Variants in OGT observed in about 807,000 individuals in gnomAD.
OGT encodes the protein O-linked N-acetylglucosamine (GlcNAc) transferase.
In OGT, 3 loss-of-function variants were observed where a neutral mutation model predicts 75.8. The ratio of observed to expected loss-of-function variants is 0.04; its 90% CI spans 0.02 to 0.10. The LOEUF (loss-of-function observed/expected upper bound fraction) is 0.10. Ranked by LOEUF, OGT falls within the 10% of genes least tolerant of loss-of-function variation. The pLI, the probability that OGT is intolerant of heterozygous loss-of-function variation, is 1.00. For missense variants in OGT, 260 were observed against 824.4 expected, an observed-to-expected ratio of 0.32 and a Z score of 8.38; for synonymous variants, 257 against 289.7, an observed-to-expected ratio of 0.89 and a Z score of 1.15.
chrX:71,570,351 A>G (rs1324463164), intron 21 of OGT, among the ~76,000 whole-genome samples: 1 of 111,640 alleles, frequency 9.0e-6, no homozygotes, highest in Non-Finnish European at 1.9e-5. Flanking sequence ...TATTTCTTAA[A>G]TGAGGTTTTT....
intron 15 of OGT, 45 bp downstream of exon 15, chrX:71,561,945 G>T: frequency 6.3e-6 from 7 of 1,105,867 alleles, no homozygotes; most frequent in Non-Finnish European, 8.5e-6. Context: ...ATTTGGCTAA[G>T]AATACAGTGA....
intron 5 of OGT, among the ~76,000 whole-genome samples, chrX:71,549,959 C>T (rs2040290911): frequency 9.0e-6 from 1 of 111,394 alleles, no homozygotes; most frequent in South Asian, 3.8e-4. Context: ...CTTGAGGAGG[C>T]TCCCACTGGC....
chrX:71,536,157 A>C, intron 1 of OGT, 21 bp from the exon 2 acceptor site: 1 of 1,163,950 alleles, frequency 8.6e-7, no homozygotes, highest in Non-Finnish European at 1.1e-6. Flanking sequence ...CCTTCCCTCA[A>C]ATGTTTTGAT....
Position 71,561,912 on chromosome X carries a change from A to G in OGT, c.1977+12A>G, listed in dbSNP as rs374294708. ...CAGCTCCTATTCAGGTAAACAAATT[A>G]ACAGTCATCACTTATAACATGTATT... On this transcript the variant is annotated intron_variant, in intron 15 of 21. Transcript: ENST00000373719. 80 of 1,178,864 alleles carry G rather than the reference A, an allele frequency of 6.8e-5. No individual in the cohort carries two copies. In the African/African-American group the frequency reaches 1.4e-3, roughly 20 times the overall value.
At chrX:71,569,095 C>T (rs773727991) in intron 21 of OGT, among the ~76,000 whole-genome samples, 2 of 111,268 alleles carry the variant, frequency 1.8e-5, no homozygotes, top group African/African-American at 3.3e-5. Context: ...TTTGGGAGGG[C>T]GAGGTGGGCG....
chrX:71,556,132 A>G, intron 8 of OGT, 38 bp downstream of exon 8: 3 of 1,179,668 alleles, frequency 2.5e-6, no homozygotes, highest in Non-Finnish European at 3.4e-6. Context: ...TTAGCATGAT[A>G]GTAGAGGGAA....
intron 12 of OGT, among the ~76,000 whole-genome samples, chrX:71,558,582 C>T (rs2040359324): frequency 9.2e-6 from 1 of 108,855 alleles, no homozygotes; most frequent in Non-Finnish European, 1.9e-5. Context: ...GTCTCGAAAT[C>T]CTGACCTCAG....
At chrX:71,546,937 G>T (rs2040263851) in intron 4 of OGT, 2 of 753,290 alleles carry the variant, frequency 2.7e-6, no homozygotes, top group African/African-American at 4.6e-5. Flanking sequence ...CATACCTCGA[G>T]TCCAACTAAT....
chrX:71,541,684 A>G (rs1199716492), intron 3 of OGT, among the ~76,000 whole-genome samples: 4 of 111,220 alleles, frequency 3.6e-5, no homozygotes, highest in Non-Finnish European at 5.7e-5. Context: ...AGGAGAGTCA[A>G]TTGGAAGATT....
chrX:71,552,448 G>T (rs1225453899), intron 5 of OGT, among the ~76,000 whole-genome samples: 2 of 104,111 alleles, frequency 1.9e-5, no homozygotes, highest in African/African-American at 7.1e-5. Context: ...AAGTGCAGTG[G>T]TGTGATCTTG....
intron 3 of OGT, among the ~76,000 whole-genome samples, chrX:71,542,492 A>C (rs2040226274): frequency 8.9e-6 from 1 of 112,307 alleles, no homozygotes; most frequent in Admixed American, 9.5e-5. Flanking sequence ...ACTGTAATGG[A>C]TCTAGATGAT....
chrX:71,567,516 C>T lies in OGT; in HGVS notation c.2606C>T (p.Pro869Leu). The change falls in exon 20 of 22, where the codon CCC becomes CTC. Residue 869 changes from proline to leucine, a missense_variant. Transcript: ENST00000373719. ...CTATTTTAGATTCTGAAGCGTGTTCCCAATAGTGTACTCTGGCTGTTGCGT... is the reference window on the plus strand; with the variant it reads ...CTATTTTAGATTCTGAAGCGTGTTCTCAATAGTGTACTCTGGCTGTTGCGT... The part of the protein sequence containing the change: ...QMWANILKRV[P>L]NSVLWLLRFP... 1.7e-6 allele frequency: 2 copies of T among 1,156,195 alleles called. No homozygotes were observed. The highest frequency in any genetic ancestry group is 2.1e-5 in the South Asian group (1 of 47,287).
At chrX:71,573,367 C>T (rs1032701340) in intron 21 of OGT, among the ~76,000 whole-genome samples, 1 of 111,673 alleles carries the variant, frequency 9.0e-6, no homozygotes, top group Non-Finnish European at 1.9e-5. Context: ...ATGGAGAACG[C>T]GTGGTATCCC....
chrX:71,573,218 T>C (rs2040470077), intron 21 of OGT, among the ~76,000 whole-genome samples: 1 of 112,382 alleles, frequency 8.9e-6, no homozygotes, highest in African/African-American at 3.2e-5. Flanking sequence ...AAAGTGTTAC[T>C]GTTAGGCCAG....
At chrX:71,571,400 A>C (rs2040457331) in intron 21 of OGT, among the ~76,000 whole-genome samples, 1 of 111,923 alleles carries the variant, frequency 8.9e-6, no homozygotes, top group African/African-American at 3.3e-5. Context: ...ACTGGAGTTC[A>C]GTACACATAT....
At chrX:71,552,709 G>A (rs986817962) in intron 5 of OGT, among the ~76,000 whole-genome samples, 1 of 104,871 alleles carries the variant, frequency 9.5e-6, no homozygotes, top group Admixed American at 1.0e-4. Context: ...AGGAATTGCT[G>A]TCTTTTTTTT....
intron 18 of OGT, among the ~76,000 whole-genome samples, chrX:71,563,795 C>T (rs1477790819): frequency 9.1e-6 from 1 of 110,275 alleles, no homozygotes; most frequent in Non-Finnish European, 1.9e-5. Context: ...TTTCTTGCTT[C>T]TGTAAACCCA....
intron 8 of OGT, 48 bp downstream of exon 8, chrX:71,556,142 A>C: frequency 8.7e-7 from 1 of 1,152,470 alleles, no homozygotes; most frequent in Non-Finnish European, 1.2e-6. Context: ...AGTAGAGGGA[A>C]AGCAGTTAAG....
intron 5 of OGT, among the ~76,000 whole-genome samples, chrX:71,550,691 ACT>A (rs1418908941): frequency 9.0e-6 from 1 of 111,409 alleles, no homozygotes; most frequent in Non-Finnish European, 1.9e-5. Context: ...TTGCCTATTC[ACT>A]CTGTGTAATT....
Sources: gnomAD v4.1 joint callset for allele counts (sites outside exome capture counted in the v4.1 genomes callset) on GRCh38, gnomAD v4.1.1 for gene constraint, MANE v1.5 for transcripts, NCBI Gene and HGNC (gene_info 2026-07-23, HGNC 2026-07-21) for gene names.